The following PHF24 variants were observed in gnomAD, a reference collection of about 807,000 sequenced individuals.
The protein encoded by PHF24 is PHD finger protein 24.
In PHF24, 25 loss-of-function variants were observed where a neutral mutation model predicts 42.6. The ratio of observed to expected loss-of-function variants is 0.59; its 90% CI spans 0.43 to 0.82. PHF24 has a LOEUF of 0.82. Ranked by LOEUF, PHF24 falls within the 40% of genes least tolerant of loss-of-function variation. The pLI, the probability that PHF24 is intolerant of heterozygous loss-of-function variation, is 0.00. For missense variants in PHF24, 470 were observed against 538.1 expected, an observed-to-expected ratio of 0.87 and a Z score of 1.25; for synonymous variants, 185 against 204.8, an observed-to-expected ratio of 0.90 and a Z score of 0.83.
At position 34,958,814 on chromosome 9, in the gene PHF24, T is replaced by C. The variant is rs1826487266; in HGVS notation, c.-5+413T>C. 6.6e-6 allele frequency among the ~76,000 whole-genome samples: 1 copy of C among 152,088 alleles called. No homozygotes were observed. Among genetic ancestry groups the C allele is most frequent in the African/African-American group, 2.4e-5 (1 of 41,420 alleles). ...CGAGGTGGTGGAGCCCCCAGAGGGC[T>C]CCCTAGAAAAGGAGGACCTGAGACT... On this transcript the variant is annotated intron_variant, in intron 1 of 7. Coordinates refer to ENST00000242315, the Ensembl canonical transcript of PHF24. This position sits in a 1 kb window ranked among gnomAD's most constrained non-coding sequence, Gnocchi z 4.5.
At chr9:34,767,381 T>G in the PHF24 span, among the ~76,000 whole-genome samples, 1 of 152,240 alleles carries the variant, frequency 6.6e-6, no homozygotes, top group Non-Finnish European at 1.5e-5. Context: ...CAGGCTGCTT[T>G]GTTTACCTAA....
chr9:34,881,245 C>A, the PHF24 span, among the ~76,000 whole-genome samples: 1 of 152,142 alleles, frequency 6.6e-6, no homozygotes, highest in African/African-American at 2.4e-5. Flanking sequence ...TAAATGCCCA[C>A]AAGAGAAAGC....
the PHF24 span, among the ~76,000 whole-genome samples, chr9:34,714,269 C>A: frequency 6.6e-6 from 1 of 152,090 alleles, no homozygotes; most frequent in African/African-American, 2.4e-5. Context: ...AGAGGCAGAT[C>A]CTGGAACCAG....
At chr9:34,923,179 A>G in the PHF24 span, among the ~76,000 whole-genome samples, 1 of 151,610 alleles carries the variant, frequency 6.6e-6, no homozygotes, top group Non-Finnish European at 1.5e-5. Flanking sequence ...ATTAATTTGC[A>G]TATGTTGAAA....
chr9:34,735,137 T>C, the PHF24 span, among the ~76,000 whole-genome samples: 26 of 120,480 alleles, frequency 2.2e-4, no homozygotes, highest in African/African-American at 1.1e-3. Flanking sequence ...TTTTTTCTTT[T>C]TTTTTTTTTT....
At chr9:34,974,017 C>A (rs1385627267) in intron 3 of PHF24, among the ~76,000 whole-genome samples, 3 of 151,312 alleles carry the variant, frequency 2.0e-5, no homozygotes, top group African/African-American at 4.9e-5. Flanking sequence ...TCTTTTTTTT[C>A]TTTTTATGAG....
the PHF24 span, among the ~76,000 whole-genome samples, chr9:34,867,053 T>G: frequency 2.0e-5 from 3 of 152,218 alleles, no homozygotes; most frequent in African/African-American, 7.2e-5. Context: ...AATCTCAATA[T>G]ACATGAGAAT....
the PHF24 span, among the ~76,000 whole-genome samples, chr9:34,851,114 C>A: frequency 6.6e-6 from 1 of 151,926 alleles, no homozygotes; most frequent in African/African-American, 2.4e-5. Flanking sequence ...CTAGGAGAAC[C>A]ACTGCTCTCT....
chr9:34,971,767 C>T (rs1826998289), intron 2 of PHF24, 91 bp downstream of exon 2: 3 of 1,425,148 alleles, frequency 2.1e-6, no homozygotes, highest in Non-Finnish European at 2.8e-6. Flanking sequence ...ATCCTCAAAA[C>T]CGGAAAAATG....
chr9:34,936,977 T>TGG, the PHF24 span, among the ~76,000 whole-genome samples: 36 of 47,562 alleles, frequency 7.6e-4, no homozygotes, highest in South Asian at 3.0e-3. Flanking sequence ...GGGAGGGAGG[T>TGG]GGGGGTCAGC....
the PHF24 span, among the ~76,000 whole-genome samples, chr9:34,719,559 C>T: frequency 2.6e-5 from 4 of 152,218 alleles, no homozygotes; most frequent in Non-Finnish European, 2.9e-5. Flanking sequence ...GTATCAGTTC[C>T]AGCTCATCTT....
At chr9:34,705,527 C>T in the PHF24 span, among the ~76,000 whole-genome samples, 101 of 152,298 alleles carry the variant, frequency 6.6e-4, no homozygotes, top group African/African-American at 2.0e-3. Context: ...CTGAAGTGAG[C>T]GTCTTGGCCT....
At chr9:34,723,972 T>A in the PHF24 span, 5 of 1,550,914 alleles carry the variant, frequency 3.2e-6, no homozygotes, top group East Asian at 4.9e-5. Context: ...GGTGTCTTGT[T>A]TGGAAGCATC....
At chr9:34,786,610 C>T in the PHF24 span, among the ~76,000 whole-genome samples, 1 of 152,194 alleles carries the variant, frequency 6.6e-6, no homozygotes, top group Non-Finnish European at 1.5e-5. Flanking sequence ...ATAAAAATGA[C>T]ATTTTGGTCT....
the PHF24 span, among the ~76,000 whole-genome samples, chr9:34,694,869 C>T: frequency 6.6e-6 from 1 of 152,222 alleles, no homozygotes; most frequent in African/African-American, 2.4e-5. Flanking sequence ...GACCTAATCT[C>T]TTAAATTGTC....
chr9:34,775,187 A>G, the PHF24 span, among the ~76,000 whole-genome samples: 1 of 152,344 alleles, frequency 6.6e-6, no homozygotes, highest in East Asian at 1.9e-4. Flanking sequence ...TAAACAATAT[A>G]TATAATAGAA....
At chr9:34,788,152 C>T in the PHF24 span, among the ~76,000 whole-genome samples, 4 of 152,086 alleles carry the variant, frequency 2.6e-5, no homozygotes, top group Admixed American at 6.5e-5. Flanking sequence ...ATCCTCCTGC[C>T]GCAGCCTCCT....
At chr9:34,862,192 G>T in the PHF24 span, among the ~76,000 whole-genome samples, 17 of 152,244 alleles carry the variant, frequency 1.1e-4, no homozygotes, top group African/African-American at 4.1e-4. Flanking sequence ...AAGTGTTCTA[G>T]GACCCTAAAT....
At chr9:34,822,132 TA>T in the PHF24 span, among the ~76,000 whole-genome samples, 685 of 152,312 alleles carry the variant, frequency 4.5e-3, 6 homozygotes, top group African/African-American at 0.016. Context: ...ACATTATCAT[TA>T]TTTTTCATTT....
Sources: gnomAD v4.1 joint callset for allele counts (sites outside exome capture counted in the v4.1 genomes callset) on GRCh38, gnomAD v4.1.1 for gene constraint, Gnocchi (gnomAD v3.1) non-coding constraint, MANE v1.5 for transcripts, NCBI Gene and HGNC (gene_info 2026-07-23, HGNC 2026-07-21) for gene names.